Variants in KIFAP3 observed in about 807,000 individuals in gnomAD.
KIFAP3 encodes kinesin associated protein 3, also known as kinesin-associated protein 3.
Under a neutral mutation model 106.5 loss-of-function variants are expected in KIFAP3, and 68 were observed. That is an observed-to-expected ratio of 0.64 (90% CI 0.53 to 0.78). The LOEUF (loss-of-function observed/expected upper bound fraction) is 0.78, where lower values mean the gene tolerates loss of function less well. KIFAP3 is among the 30% of genes least tolerant of loss of function. KIFAP3 has a pLI of 0.00. For missense variants in KIFAP3, 780 were observed against 941.8 expected, an observed-to-expected ratio of 0.83 and a Z score of 2.25; for synonymous variants, 320 against 311.5, an observed-to-expected ratio of 1.03 and a Z score of -0.29.
intron 16 of KIFAP3, among the ~76,000 whole-genome samples, chr1:169,973,013 CAA>C (rs1327371925): frequency 6.8e-6 from 1 of 147,162 alleles, no homozygotes; most frequent in Non-Finnish European, 1.5e-5. Flanking sequence ...GATTCATGGT[CAA>C]AAAGAGAAGG....
intron 19 of KIFAP3, among the ~76,000 whole-genome samples, chr1:169,938,454 C>T (rs1052972958): frequency 2.0e-5 from 3 of 151,862 alleles, no homozygotes; most frequent in Admixed American, 2.0e-4. Context: ...ATGCATTGTA[C>T]ATTTGAAAGG....
At chr1:169,964,166 GC>G (rs542633447) in intron 17 of KIFAP3, among the ~76,000 whole-genome samples, 163 of 152,120 alleles carry the variant, frequency 1.1e-3, no homozygotes, top group African/African-American at 3.9e-3. Context: ...AAATTATTCT[GC>G]CAAAAGGAGA....
In KIFAP3 at chr1:170,038,216, T is replaced by C. The variant is rs1669784213; in HGVS notation, c.517+74A>G. ...AAGAAATAAAGAGCTGGAAAATATA[T>C]GAAGTCTTAAGTTTTGTATAAATAA... On this transcript the variant is annotated intron_variant, in intron 5 of 19. Transcript: ENST00000361580. 4 of 1,158,088 alleles carry C rather than the reference T, an allele frequency of 3.5e-6. No homozygotes were observed. The South Asian group carries it at 5.0e-5, about 15-fold the overall frequency. The allele number at this position is 1,158,088 out of a possible 1,614,324, so 71.7% of individuals were successfully genotyped here.
intron 1 of KIFAP3, among the ~76,000 whole-genome samples, chr1:170,062,329 A>C (rs1671217602): frequency 6.6e-6 from 1 of 150,376 alleles, no homozygotes; most frequent in African/African-American, 2.4e-5. Context: ...CTTGATATTC[A>C]TCCTATTAAC....
chr1:170,059,599 T>C (rs1671029197), intron 1 of KIFAP3, among the ~76,000 whole-genome samples: 4 of 152,174 alleles, frequency 2.6e-5, no homozygotes. Flanking sequence ...AAGGAGGAAC[T>C]GGTACCATTC....
At chr1:169,950,082 G>T (rs551035959) in intron 19 of KIFAP3, among the ~76,000 whole-genome samples, 15 of 152,062 alleles carry the variant, frequency 9.9e-5, no homozygotes, top group Admixed American at 9.2e-4. Flanking sequence ...TCTAAATCTG[G>T]CTTAGTTTCT....
chr1:170,038,564 T>G, intron 4 of KIFAP3, 133 bp from the exon 5 acceptor site: 1 of 867,076 alleles, frequency 1.2e-6, no homozygotes, highest in Non-Finnish European at 1.8e-6. Flanking sequence ...AGTAGCCATC[T>G]TTTTGGATAT....
chr1:170,028,482 C>T (rs1442929835), intron 8 of KIFAP3, among the ~76,000 whole-genome samples: 5 of 151,992 alleles, frequency 3.3e-5, no homozygotes, highest in East Asian at 1.9e-4. Context: ...GGACTACAGG[C>T]GTGTGCCACC....
Position 169,961,136 on chromosome 1 carries a change from T to C in KIFAP3, c.2083A>G (p.Ser695Gly). The C allele has an allele frequency of 6.2e-7, 1 of 1,613,754 alleles. No individual in the cohort carries two copies. Among genetic ancestry groups the C allele is most frequent in the Non-Finnish European group, 8.5e-7 (1 of 1,179,752 alleles). ...TCATCACCATACAAGTACTGCTCAC[T>C]CTCATCCATCTGACGACTCTCTACC... is the stretch of plus-strand genomic sequence containing the variant. Reference protein sequence around the residue: ...EMVESRQMDESEQYLYGDDRI... With the variant: ...EMVESRQMDEGEQYLYGDDRI... Residue 695 changes from serine (S) to glycine (G), a missense_variant, in exon 18 of 20, where the codon AGT (serine) becomes GGT (glycine). Physicochemically the swap from Ser to Gly is moderately conservative, Grantham distance 56. Coordinates refer to ENST00000361580, the MANE Select transcript of KIFAP3 (RefSeq NM_014970.4).
In KIFAP3 at chr1:169,983,870, T is replaced by C. The variant is rs542878851; in HGVS notation, c.1394-488A>G. 9.2e-5 allele frequency among the ~76,000 whole-genome samples: 14 copies of C among 151,976 alleles called. No homozygotes were observed. In the South Asian group the frequency reaches 2.3e-3, roughly 25 times the overall value. On this transcript the variant is annotated intron_variant, in intron 12 of 19. Coordinates refer to ENST00000361580, the MANE Select transcript of KIFAP3 (RefSeq NM_014970.4). ...AGCACTGTTTGTAACGGAAAATAAG[T>C]GGCAATGAACTATATCCATAATAGT...
intron 1 of KIFAP3, among the ~76,000 whole-genome samples, chr1:170,081,526 C>G (rs1173289686): frequency 6.6e-6 from 1 of 152,206 alleles, no homozygotes; most frequent in Non-Finnish European, 1.5e-5. Context: ...AGAATAGAAT[C>G]AGTTTCCTTG....
At chr1:170,057,328 G>T (rs983730309) in intron 1 of KIFAP3, among the ~76,000 whole-genome samples, 2 of 151,872 alleles carry the variant, frequency 1.3e-5, no homozygotes, top group African/African-American at 4.8e-5. Context: ...AATTAAAAAG[G>T]AAAAAAATGA....
upstream of KIFAP3, among the ~76,000 whole-genome samples, chr1:170,077,910 A>G (rs1045324058): frequency 2.0e-5 from 3 of 151,810 alleles, no homozygotes; most frequent in Non-Finnish European, 4.4e-5. Context: ...GTTAAGTACT[A>G]TTCCATGGTA....
At chr1:169,926,177 G>A (rs1663121816) in intron 19 of KIFAP3, among the ~76,000 whole-genome samples, 2 of 152,198 alleles carry the variant, frequency 1.3e-5, no homozygotes, top group South Asian at 4.1e-4. Flanking sequence ...TTCCATTTAT[G>A]GATATGTAAA....
intron 1 of KIFAP3, among the ~76,000 whole-genome samples, chr1:170,056,917 A>C (rs1342836977): frequency 6.6e-6 from 1 of 152,098 alleles, no homozygotes; most frequent in East Asian, 1.9e-4. Context: ...AGGAAATGAG[A>C]TATAAATATA....
chr1:169,991,596 A>G (rs1667111002), intron 11 of KIFAP3, among the ~76,000 whole-genome samples: 1 of 152,170 alleles, frequency 6.6e-6, no homozygotes, highest in African/African-American at 2.4e-5. Context: ...ACAAAGACAC[A>G]AGTGTTTATT....
At chr1:169,947,875 A>G (rs946703251) in intron 19 of KIFAP3, among the ~76,000 whole-genome samples, 1 of 151,586 alleles carries the variant, frequency 6.6e-6, no homozygotes, top group Non-Finnish European at 1.5e-5. Context: ...TGAAAGGTGG[A>G]TATTCATTAG....
chr1:170,029,736 A>T (rs1047751963), intron 8 of KIFAP3, among the ~76,000 whole-genome samples: 3 of 152,020 alleles, frequency 2.0e-5, no homozygotes, highest in African/African-American at 7.2e-5. Flanking sequence ...ATTTTCCATA[A>T]GCTATGGTAA....
intron 17 of KIFAP3, among the ~76,000 whole-genome samples, chr1:169,964,136 C>T (rs1238286112): frequency 6.6e-6 from 1 of 152,106 alleles, no homozygotes; most frequent in African/African-American, 2.4e-5. Context: ...TATACAACCA[C>T]CCAATCACTG....
Sources: gnomAD v4.1 joint callset for allele counts (sites outside exome capture counted in the v4.1 genomes callset) on GRCh38, gnomAD v4.1.1 for gene constraint, MANE v1.5 for transcripts, NCBI Gene and HGNC (gene_info 2026-07-23, HGNC 2026-07-21) for gene names.